Variants in SON observed in about 807,000 individuals in gnomAD.
SON encodes the protein SON DNA and RNA binding protein, also known as protein SON.
In SON, 4 loss-of-function variants were observed where a neutral mutation model predicts 173.3. The ratio of observed to expected loss-of-function variants is 0.02; its 90% CI spans 0.01 to 0.05. The LOEUF is 0.05. Ranked by LOEUF, SON falls within the 10% of genes least tolerant of loss-of-function variation. The probability of loss-of-function intolerance (pLI) is 1.00; values close to 1 mark genes in which losing one functional copy is unlikely to be tolerated. For synonymous variants in SON, 1,190 were observed against 1,105.9 expected, an observed-to-expected ratio of 1.08 and a Z score of -1.51; for missense variants, 2,626 against 3,055.3, an observed-to-expected ratio of 0.86 and a Z score of 3.31.
At chr21:33,556,462 C>A (rs1024703035) in intron 3 of SON, among the ~76,000 whole-genome samples, 7 of 151,834 alleles carry the variant, frequency 4.6e-5, no homozygotes, top group Admixed American at 2.0e-4. Context: ...CCTGTAATCC[C>A]AGCACTTTGG....
At chr21:33,543,729 G>A (rs2085532033) in intron 1 of SON, among the ~76,000 whole-genome samples, 1 of 152,234 alleles carries the variant, frequency 6.6e-6, no homozygotes, top group Non-Finnish European at 1.5e-5. Context: ...ATAGTTAAAT[G>A]TTTCAATTAA....
At chr21:33,557,963 T>C (rs1435076241) in intron 4 of SON, 1 of 183,134 alleles carries the variant, frequency 5.5e-6, no homozygotes, top group African/African-American at 2.4e-5. Flanking sequence ...GTTTTATTAC[T>C]ATTTTTTTGG....
rs34160546 is a variant in SON at position 33,576,202 on chromosome 21, C to CT, written c.7222-160dup. On this transcript the variant is annotated intron_variant, in intron 11 of 11. Transcript: ENST00000356577. ...GGAGACCTGCTCTAATTTGCAGTCCCTTTCCCAAATGATTTGGTTCTTCGG... is the reference window on the plus strand; with the variant it reads ...GGAGACCTGCTCTAATTTGCAGTCCCTTTTCCCAAATGATTTGGTTCTTCGG... 1 allele frequency among the ~76,000 whole-genome samples: 152,326 copies of CT among 152,330 alleles called. 76,161 individuals are homozygous for CT. Among genetic ancestry groups the CT allele is most frequent in the Middle Eastern group, 1 (294 of 294 alleles).
Position 33,554,384 on chromosome 21 carries a change from A to G in SON, c.5153A>G (p.Asp1718Gly). The change falls in exon 3 of 12, where the codon GAT (aspartate) becomes GGT (glycine). Residue 1718 changes from aspartate to glycine, a missense_variant. Transcript: ENST00000356577. The stretch of plus-strand genomic sequence containing the variant: ...CCCCCTCCTAAAGAGACACTGCCTG[A>G]TTCAGGATTTTCTGCCAATATTGAG... ...VPPPPKETLP[D>G]SGFSANIEDI... The G allele has an allele frequency of 1.2e-6, 2 of 1,614,222 alleles. No homozygotes were observed. Among genetic ancestry groups the G allele is most frequent in the Non-Finnish European group, 1.7e-6 (2 of 1,180,032 alleles).
At chr21:33,569,130 T>A (rs771608945) in intron 8 of SON, 43 bp downstream of exon 8, 9 of 1,228,014 alleles carry the variant, frequency 7.3e-6, no homozygotes, top group Non-Finnish European at 9.5e-6. Flanking sequence ...ACAAAAAGTT[T>A]AAATTTTTTG....
intron 1 of SON, 99 bp downstream of exon 1, chr21:33,543,268 C>G (rs1256403829): frequency 1.7e-6 from 2 of 1,184,626 alleles, no homozygotes; most frequent in African/African-American, 3.0e-5. Flanking sequence ...TTCCCCGGCT[C>G]AGGCCCCGCT....
At chr21:33,543,438 G>T in intron 1 of SON, 1 of 493,164 alleles carries the variant, frequency 2.0e-6, no homozygotes, top group Non-Finnish European at 3.7e-6. Flanking sequence ...TCCCCTGTTT[G>T]GGTCCCCCCT....
At chr21:33,575,697 C>A in intron 10 of SON, 30 bp downstream of exon 10, 1 of 1,592,728 alleles carries the variant, frequency 6.3e-7, no homozygotes, top group Non-Finnish European at 8.6e-7. Context: ...TTTCCTCTTA[C>A]CCTAATCCCA....
chr21:33,543,324 C>G (rs868759004), intron 1 of SON, 155 bp downstream of exon 1: 8 of 664,582 alleles, frequency 1.2e-5, no homozygotes, highest in Non-Finnish European at 1.6e-5. Context: ...CCCCCCCCAA[C>G]CGCCCCCCCA....
intron 2 of SON, among the ~76,000 whole-genome samples, chr21:33,548,967 A>C (rs2085687735): frequency 6.6e-6 from 1 of 152,222 alleles, no homozygotes; most frequent in Non-Finnish European, 1.5e-5. Context: ...TTTTTAACCC[A>C]GGCATTAGTT....
chr21:33,558,959 CTTTTTTTTTT>C (rs71194851), intron 4 of SON: 43 of 118,822 alleles, frequency 3.6e-4, no homozygotes, highest in Non-Finnish European at 4.1e-4. Context: ...ATGTCTTCTA[CTTTTTTTTTT>C]TTTTTTTTTT....
chr21:33,543,364 T>C, intron 1 of SON, 195 bp downstream of exon 1: 1 of 590,394 alleles, frequency 1.7e-6, no homozygotes. Flanking sequence ...CTCGAGGAAC[T>C]TCGCCTTTTC....
intron 9 of SON, among the ~76,000 whole-genome samples, chr21:33,575,077 G>A (rs1054409110): frequency 4.0e-5 from 6 of 151,850 alleles, no homozygotes; most frequent in African/African-American, 9.7e-5. Context: ...AGTTTTGCTC[G>A]TTGCCCAGGC....
At chr21:33,561,646 G>A (rs1014414059) in intron 6 of SON, among the ~76,000 whole-genome samples, 6 of 152,148 alleles carry the variant, frequency 3.9e-5, no homozygotes, top group South Asian at 2.1e-4. Flanking sequence ...GTGTGTGTGC[G>A]TCTATTTATT....
intron 4 of SON, chr21:33,558,959 CTT>C (rs71194851): frequency 0.012 from 1,407 of 118,730 alleles, 2 homozygotes; most frequent in African/African-American, 0.026. Flanking sequence ...ATGTCTTCTA[CTT>C]TTTTTTTTTT....
At chr21:33,569,894 A>G (rs891785897) in intron 8 of SON, 9 of 177,502 alleles carry the variant, frequency 5.1e-5, no homozygotes, top group African/African-American at 2.2e-4. Context: ...AAGACCTAAA[A>G]TCAAGGGAGA....
chr21:33,569,540 T>A (rs2086238554), intron 8 of SON: 3 of 400,760 alleles, frequency 7.5e-6, no homozygotes, highest in Non-Finnish European at 1.5e-5. Context: ...TCCATTCCTC[T>A]ATTCCTTTGC....
rs2086411319 is a variant in SON at position 33,576,810 on chromosome 21, C to T, written c.*386C>T. The T allele has an allele frequency of 2.9e-6, 1 of 342,898 alleles. No individual in the cohort carries two copies. Among genetic ancestry groups the T allele is most frequent in the South Asian group, 2.5e-5 (1 of 40,522 alleles). The allele number at this position is 342,898 out of a possible 1,614,324, so 21.2% of individuals were successfully genotyped here. A position where few individuals can be genotyped will look rare whatever the true frequency, so the allele number is the denominator to read the frequency against. On this transcript the variant is annotated 3_prime_UTR_variant, in exon 12 of 12. Transcript: ENST00000356577. Reference sequence around the variant, plus strand: ...GTTTAAGTGGCTAACATCCAAACGACTGTTTGAAGGCATCAGAGTAATCTT... The same window carrying T: ...GTTTAAGTGGCTAACATCCAAACGATTGTTTGAAGGCATCAGAGTAATCTT...
At chr21:33,572,767 A>ATT in intron 8 of SON, 3 of 289,104 alleles carry the variant, frequency 1.0e-5, no homozygotes, top group South Asian at 6.8e-5. Context: ...AAATTTCAAG[A>ATT]GTTTTTTTTT....
Sources: gnomAD v4.1 joint callset for allele counts (sites outside exome capture counted in the v4.1 genomes callset) on GRCh38, gnomAD v4.1.1 for gene constraint, MANE v1.5 for transcripts, NCBI Gene and HGNC (gene_info 2026-07-23, HGNC 2026-07-21) for gene names.